Variants in TMC6 observed in about 807,000 individuals in gnomAD.
The protein encoded by TMC6 is transmembrane channel-like protein 6.
A neutral mutation model predicts 95.4 loss-of-function variants in TMC6; 71 were observed. That is an observed-to-expected ratio of 0.74 (90% CI 0.61 to 0.91). TMC6 has a LOEUF of 0.91. TMC6 is among the 40% of genes least tolerant of loss of function. TMC6 has a pLI of 0.00. For missense variants in TMC6, 1,074 were observed against 1,079.1 expected (o/e 1.00, Z 0.07); for synonymous variants, 514 against 483.1 (o/e 1.06, Z -0.84).
chr17:78,122,551 G>T lies in TMC6; in HGVS notation c.1227+54C>A, dbSNP rs2074466929. 7 of 1,599,670 alleles carry T rather than the reference G, an allele frequency of 4.4e-6. No individual in the cohort carries two copies. The highest frequency in any genetic ancestry group is 5.9e-6 in the Non-Finnish European group (7 of 1,179,186). ...GTCACATGGTCCTAAGTGGACCCAG[G>T]GCCAGGCCTGCAGGGAGCTGGGCAG... On this transcript the variant is annotated intron_variant, in intron 10 of 19. Coordinates refer to ENST00000590602, the MANE Select transcript of TMC6 (RefSeq NM_001127198.5). This position sits in a 1 kb window ranked among gnomAD's most constrained non-coding sequence, Gnocchi z 4.9.
chr17:78,124,749 G>A lies in TMC6; in HGVS notation c.666C>T (p.Ser222=), dbSNP rs371379212. The change falls in exon 8 of 20, where the codon TCC becomes TCT. Residue 222 remains serine (S), a synonymous_variant. Coordinates refer to ENST00000590602, the MANE Select transcript of TMC6 (RefSeq NM_001127198.5). ...GCCACGGCATCAGGGCCTGCAGGGC[G>A]GAGAGCAGCGCCAGGCCCAGGCTGT... ...ALHSLGLALL[S]ALQALMPWRY... is the part of the protein sequence containing the mutation. The A allele has an allele frequency of 1.6e-4, 247 of 1,584,606 alleles. 1 individual carries two copies. In the African/African-American group the frequency reaches 1.8e-3, roughly 12 times the overall value.
Position 78,117,902 on chromosome 17 carries a change from G to T in TMC6, c.1921C>A (p.Arg641=), listed in dbSNP as rs139050383. The change falls in exon 16 of 20, where the codon CGG becomes AGG. Residue 641 remains arginine (R), a synonymous_variant. Coordinates refer to ENST00000590602, the MANE Select transcript of TMC6 (RefSeq NM_001127198.5). ...CTCATGTGTGAGGCCAGCCAGGGCC[G>T]GCGCGGCGCCTGGCAGTTGGCCAGA... is the stretch of plus-strand genomic sequence containing the variant. ...SLLANCQAPR[R]PWLASHMSTV... 6.2e-7 allele frequency: 1 copy of T among 1,605,008 alleles called. No individual in the cohort carries two copies. Among genetic ancestry groups the T allele is most frequent in the Non-Finnish European group, 8.5e-7 (1 of 1,176,512 alleles).
At position 78,126,905 on chromosome 17, in the gene TMC6, A is replaced by T; in HGVS notation, c.-73T>A. 1 of 1,540,450 alleles carries T rather than the reference A, an allele frequency of 6.5e-7. No individual in the cohort carries two copies. Among genetic ancestry groups the T allele is most frequent in the Non-Finnish European group, 8.9e-7 (1 of 1,128,322 alleles). ...CCTGGGCGCCACCTCCGGAGCCCCC[A>T]TCTGATGAGACAGGGGCACAGAGCC... On this transcript the variant is annotated splice_region_variant and 5_prime_UTR_variant, in exon 2 of 20. An upstream start codon of the reference 5' UTR is lost. Transcript: ENST00000590602.
At position 78,122,748 on chromosome 17, in the gene TMC6, T is replaced by C. The variant is rs1310193284; in HGVS notation, c.1084A>G (p.Met362Val). 1.9e-6 allele frequency: 3 copies of C among 1,609,714 alleles called. No individual in the cohort carries two copies. The highest frequency in any genetic ancestry group is 2.2e-5 in the East Asian group (1 of 44,748). Residue 362 changes from methionine to valine, a missense_variant and splice_region_variant, in exon 10 of 20, where the codon ATG becomes GTG. Met to Val is a conservative substitution (Grantham distance 21). Transcript: ENST00000590602. The surrounding 1 kb of genome is among the most constrained non-coding windows in gnomAD (Gnocchi z 4.9). ...TAGCTCTCCCCGAAAGAGTGAGCCA[T>C]GCTGGGGAGAAGCAGACACAGACAT... ...FITCITLVYS[M>V]AHSFGESYRV... is the part of the protein sequence containing the mutation.
chr17:78,113,826 C>A, intron 18 of TMC6: 1 of 608,292 alleles, frequency 1.6e-6, no homozygotes, highest in Non-Finnish European at 2.9e-6. Flanking sequence ...ATGTGTGGAT[C>A]TAAGCTTCCT....
At chr17:78,131,857 C>A, upstream of TMC6, 1 of 1,466,468 alleles carries the variant, frequency 6.8e-7, no homozygotes, top group Non-Finnish European at 9.0e-7. Flanking sequence ...GACTCAGGGG[C>A]GCCCCTGTCA....
At chr17:78,125,078 T>C in intron 6 of TMC6, 80 bp downstream of exon 6, 1 of 1,540,694 alleles carries the variant, frequency 6.5e-7, no homozygotes. Context: ...CAGCCCCTTC[T>C]CCCCCACCAC....
At chr17:78,126,192 T>A (rs2074704413) in intron 4 of TMC6, 85 bp downstream of exon 4, 1 of 1,505,986 alleles carries the variant, frequency 6.6e-7, no homozygotes, top group Admixed American at 2.0e-5. Flanking sequence ...CCCAGGGAGA[T>A]GCCTGGCAGG....
chr17:78,109,269 T>C lies in TMC6; in HGVS notation c.*3879A>G. ...CAGAGGCATCATGGCGAGCCCCGAC[T>C]GAGTGTTCAGTGAAGAGGGAAAACA... On this transcript the variant is annotated 3_prime_UTR_variant, in exon 20 of 20. Transcript: ENST00000590602. The C allele has an allele frequency of 2.8e-6, 1 of 356,054 alleles. No individual in the cohort carries two copies. The highest frequency in any genetic ancestry group is 7.6e-5 in the East Asian group (1 of 13,244). The allele number at this position is 356,054 out of a possible 1,614,324, so 22.1% of individuals were successfully genotyped here.
Position 78,119,315 on chromosome 17 carries a change from T to C in TMC6, c.1793A>G (p.Tyr598Cys), listed in dbSNP as rs2074291219. The change falls in exon 14 of 20, where the codon TAT (tyrosine) becomes TGT (cysteine). Residue 598 changes from tyrosine (Y) to cysteine (C), a missense_variant. By Grantham distance (194) the Tyr-to-Cys change is radical. Coordinates refer to ENST00000590602, the MANE Select transcript of TMC6 (RefSeq NM_001127198.5). ...CCCTCACCAGGTCAGAGTCTGCCCA[T>C]AAATCAGCTCCAGGACATTCCGGGC... ...DIARNVLELIYGQTLTWLGVL... is the reference protein window; with the variant it reads ...DIARNVLELICGQTLTWLGVL... 1 of 1,613,828 alleles carries C rather than the reference T, an allele frequency of 6.2e-7. No individual in the cohort carries two copies. Among genetic ancestry groups the C allele is most frequent in the Admixed American group, 1.7e-5 (1 of 60,000 alleles).
chr17:78,117,613 G>A lies in TMC6; in HGVS notation c.2053C>T (p.Arg685Trp), dbSNP rs555577776. 29 of 1,578,502 alleles carry A rather than the reference G, an allele frequency of 1.8e-5. No individual in the cohort carries two copies. Among genetic ancestry groups the A allele is most frequent in the African/African-American group, 4.0e-5 (3 of 74,184 alleles). Residue 685 changes from arginine (R) to tryptophan (W), a missense_variant, in exon 17 of 20, where the codon CGG (arginine) becomes TGG (tryptophan). By Grantham distance (101) the Arg-to-Trp change is moderately radical. Transcript: ENST00000590602. ...VKPSSTCGPF[R>W]TLDTMYEAGR... ...GCCTCGTACATGGTGTCCAGGGTCC[G>A]GAAGGGGCCGCAGGTGCTCGAGGGC... is the stretch of plus-strand genomic sequence containing the variant.
Position 78,112,683 on chromosome 17 carries a change from C to G in TMC6, c.*465G>C, listed in dbSNP as rs192257750. ...GCTCTGGTCACAATCCGTGCCTGCT[C>G]GGCTCACTTGTGCAGGTGTAAGCCC... is the stretch of plus-strand genomic sequence containing the variant. On this transcript the variant is annotated 3_prime_UTR_variant, in exon 20 of 20. Coordinates refer to ENST00000590602, the MANE Select transcript of TMC6 (RefSeq NM_001127198.5). The G allele has an allele frequency of 1.4e-5, 3 of 211,536 alleles. No homozygotes were observed. In the East Asian group the frequency reaches 4.2e-4, roughly 29 times the overall value. The allele number at this position is 211,536 out of a possible 1,614,324, so 13.1% of individuals were successfully genotyped here.
intron 1 of TMC6, among the ~76,000 whole-genome samples, chr17:78,127,230 A>C (rs978745075): frequency 6.6e-6 from 1 of 152,128 alleles, no homozygotes; most frequent in Non-Finnish European, 1.5e-5. Context: ...CCCTTTCAGG[A>C]TCTCCATGCC....
At chr17:78,117,758 C>A in intron 16 of TMC6, 44 bp downstream of exon 16, 2 of 1,592,044 alleles carry the variant, frequency 1.3e-6, no homozygotes, top group Non-Finnish European at 1.7e-6. Flanking sequence ...ACCACCCAAC[C>A]CCCAGATGAC....
In TMC6 at chr17:78,125,254, C is replaced by T. The variant is rs370392549; in HGVS notation, c.440G>A (p.Ser147Asn). The stretch of plus-strand genomic sequence containing the variant: ...GCTCTGGAGCTCCTTCACCAGGAGG[C>T]TCTGCTTCTCTGCGAGAGGGAGAGG... The part of the protein sequence containing the change: ...PTALEEEEKQ[S>N]LLVKELQSLA... Residue 147 changes from serine (S) to asparagine (N), a missense_variant, in exon 6 of 20, where the codon AGC becomes AAC. Physicochemically the swap from Ser to Asn is conservative, Grantham distance 46 (BLOSUM62 1). Transcript: ENST00000590602. The T allele has an allele frequency of 1.0e-5, 16 of 1,569,856 alleles. No individual in the cohort carries two copies. The highest frequency in any genetic ancestry group is 3.7e-5 in the Admixed American group (2 of 53,372).
In TMC6 at chr17:78,112,960, G is replaced by A. The variant is rs1207676661; in HGVS notation, c.*188C>T. 6.2e-6 allele frequency: 4 copies of A among 648,122 alleles called. No individual in the cohort carries two copies. The highest frequency in any genetic ancestry group is 2.5e-5 in the Admixed American group (1 of 39,644). The allele number at this position is 648,122 out of a possible 1,614,324, so 40.1% of individuals were successfully genotyped here. On this transcript the variant is annotated 3_prime_UTR_variant, in exon 20 of 20. Transcript: ENST00000590602. ...TTTAATCAGAATAAATAGAGTCCCAGGCAGGGCAGAGTTCATTGGGGATGC... is the reference window on the plus strand; with the variant it reads ...TTTAATCAGAATAAATAGAGTCCCAAGCAGGGCAGAGTTCATTGGGGATGC...
In TMC6 at chr17:78,122,491, C is replaced by T. The variant is rs905068717; in HGVS notation, c.1227+114G>A. On this transcript the variant is annotated intron_variant, in intron 10 of 19. Coordinates refer to ENST00000590602, the MANE Select transcript of TMC6 (RefSeq NM_001127198.5). The surrounding 1 kb of genome is among the most constrained non-coding windows in gnomAD (Gnocchi z 4.9). ...TGCCCAGCGCCCCGAGTTCAGCTCA[C>T]GGACAGCTGGCCCTCCCTCTAGACC... The T allele has an allele frequency of 3.7e-5, 55 of 1,493,278 alleles. No individual in the cohort carries two copies. The South Asian group carries it at 3.8e-4, about 10-fold the overall frequency. 92.5% of individuals were successfully genotyped at this position (1,493,278 alleles called of 1,614,324 possible). A position where few individuals can be genotyped will look rare whatever the true frequency, so the allele number is the denominator to read the frequency against.
At chr17:78,127,155 T>G (rs759895085) in intron 1 of TMC6, 37 of 519,254 alleles carry the variant, frequency 7.1e-5, no homozygotes, top group Non-Finnish European at 1.2e-4. Context: ...CAGTTCCACA[T>G]CTGTTTCCTC....
At chr17:78,129,923 T>C (rs1598888727), upstream of TMC6, among the ~76,000 whole-genome samples, 1 of 152,232 alleles carries the variant, frequency 6.6e-6, no homozygotes, top group South Asian at 2.1e-4. The surrounding 1 kb of genome is among the most constrained non-coding windows in gnomAD (Gnocchi z 4.3). Flanking sequence ...CCCAGCCCAC[T>C]GTGTGCCCAG....
Sources: allele counts gnomAD v4.1 joint callset (sites outside exome capture counted in the v4.1 genomes callset), GRCh38; gene constraint gnomAD v4.1.1; non-coding constraint Gnocchi (gnomAD v3.1); transcripts MANE v1.5; gene names NCBI Gene and HGNC (gene_info 2026-07-23, HGNC 2026-07-21).